The following COL6A5 variants were observed in gnomAD, a reference collection of about 807,000 sequenced individuals.
The protein encoded by COL6A5 is collagen alpha-5(VI) chain.
In COL6A5, 48 loss-of-function variants were observed where a neutral mutation model predicts 65.6. The ratio of observed to expected loss-of-function variants is 0.73; its 90% CI spans 0.58 to 0.93. The LOEUF is 0.93. COL6A5 is among the 40% of genes least tolerant of loss of function. The pLI, the probability that COL6A5 is intolerant of heterozygous loss-of-function variation, is 0.00. For missense variants in COL6A5, 914 were observed against 928.3 expected, an observed-to-expected ratio of 0.98 and a Z score of 0.20; for synonymous variants, 291 against 322.8, an observed-to-expected ratio of 0.90 and a Z score of 1.05.
intron 7 of COL6A5, among the ~76,000 whole-genome samples, chr3:130,392,448 A>G (rs1278762076): frequency 1.3e-5 from 2 of 152,202 alleles, no homozygotes; most frequent in South Asian, 2.1e-4. Flanking sequence ...TCTTAAAAGC[A>G]GTAGAGACTG....
At chr3:130,435,257 T>C (rs1052816289) in intron 1 of COL6A5, among the ~76,000 whole-genome samples, 1 of 152,148 alleles carries the variant, frequency 6.6e-6, no homozygotes, top group Non-Finnish European at 1.5e-5. Flanking sequence ...TCTAGATGTG[T>C]GGTGTCACTT....
At chr3:130,365,480 T>C (rs1935301736) in intron 1 of COL6A5, among the ~76,000 whole-genome samples, 1 of 152,106 alleles carries the variant, frequency 6.6e-6, no homozygotes. Context: ...GGTTTCACCG[T>C]TTTAGCCGGG....
intron 6 of COL6A5, among the ~76,000 whole-genome samples, chr3:130,390,316 A>G (rs139521322): frequency 1.9e-3 from 292 of 152,306 alleles, no homozygotes; most frequent in African/African-American, 6.8e-3. Context: ...TCAGTGGGTC[A>G]TTGACCAAGG....
At chr3:130,420,843 A>T (rs187078561) in intron 25 of COL6A5, among the ~76,000 whole-genome samples, 8 of 152,124 alleles carry the variant, frequency 5.3e-5, no homozygotes, top group African/African-American at 1.9e-4. Flanking sequence ...AGAGTTTCTC[A>T]CCTGTGTTGT....
intron 5 of COL6A5, 138 bp downstream of exon 5, chr3:130,385,502 G>A (rs780529138): frequency 3.8e-5 from 34 of 901,036 alleles, no homozygotes; most frequent in Non-Finnish European, 5.3e-5. Context: ...ACCATGGAGG[G>A]ATTCAGCCCC....
At chr3:130,384,825 C>T in exon 5 of COL6A5, 1 of 1,547,576 alleles carries the variant, frequency 6.5e-7, no homozygotes, top group Non-Finnish European at 8.7e-7. Flanking sequence ...ACAAAAGAGG[C>T]TGATATCCAC....
At chr3:130,359,784 C>G (rs73214704) in intron 1 of COL6A5, among the ~76,000 whole-genome samples, 3,695 of 152,076 alleles carry the variant, frequency 0.024, 73 homozygotes, top group Non-Finnish European at 0.036. Context: ...GTATATTTTT[C>G]CTAGAGACGG....
chr3:130,367,861 G>A (rs552661418), intron 1 of COL6A5, among the ~76,000 whole-genome samples: 85 of 152,296 alleles, frequency 5.6e-4, no homozygotes, highest in African/African-American at 2.0e-3. Flanking sequence ...TTTTAGGTAA[G>A]GACTAGGTCT....
chr3:130,429,603 C>A (rs1449687773), upstream of COL6A5: 3 of 1,542,280 alleles, frequency 1.9e-6, no homozygotes, highest in Non-Finnish European at 1.7e-6. Context: ...TCTTACCATG[C>A]TGTTCCCTGC....
intron 1 of COL6A5, among the ~76,000 whole-genome samples, chr3:130,350,031 C>T (rs999498271): frequency 6.6e-6 from 1 of 152,212 alleles, no homozygotes; most frequent in Non-Finnish European, 1.5e-5. Context: ...AAGACACCTA[C>T]TTTCCTGCTG....
At chr3:130,389,645 G>T (rs1376205315) in intron 6 of COL6A5, among the ~76,000 whole-genome samples, 1 of 151,310 alleles carries the variant, frequency 6.6e-6, no homozygotes, top group African/African-American at 2.4e-5. Flanking sequence ...CTATCAACTG[G>T]ATATTTTATA....
exon 7 of COL6A5, chr3:130,391,715 A>T: frequency 6.4e-7 from 1 of 1,551,478 alleles, no homozygotes; most frequent in Non-Finnish European, 8.7e-7. Flanking sequence ...AGATGTTTTC[A>T]CACTTGTTCA....
At chr3:130,436,702 CT>C (rs1440743174) in intron 1 of COL6A5, among the ~76,000 whole-genome samples, 1 of 152,034 alleles carries the variant, frequency 6.6e-6, no homozygotes, top group African/African-American at 2.4e-5. Flanking sequence ...TTTTGGCTGA[CT>C]TTTAGTATAC....
intron 1 of COL6A5, among the ~76,000 whole-genome samples, chr3:130,355,698 A>G (rs897650031): frequency 6.6e-6 from 1 of 152,040 alleles, no homozygotes; most frequent in Non-Finnish European, 1.5e-5. Flanking sequence ...TGGAAACGTG[A>G]TAAGGCAAAA....
chr3:130,427,488 A>T (rs1447150376), upstream of COL6A5, among the ~76,000 whole-genome samples: 2 of 152,268 alleles, frequency 1.3e-5, no homozygotes, highest in South Asian at 4.1e-4. Flanking sequence ...GTCACCAAGG[A>T]TGAGTAAGCA....
intron 13 of COL6A5, 120 bp downstream of exon 13, chr3:130,403,782 G>A (rs1427197990): frequency 5.4e-5 from 32 of 594,488 alleles, no homozygotes; most frequent in Non-Finnish European, 8.1e-5. Context: ...ATACAAAAGG[G>A]GTAGATGGGG....
intron 2 of COL6A5, among the ~76,000 whole-genome samples, chr3:130,439,896 C>T (rs1207501326): frequency 6.6e-6 from 1 of 152,120 alleles, no homozygotes. Context: ...AAAAATATTT[C>T]CTAAATGAGC....
At chr3:130,457,038 C>T (rs1230568042) in intron 5 of COL6A5, among the ~76,000 whole-genome samples, 1 of 145,860 alleles carries the variant, frequency 6.9e-6, no homozygotes, top group East Asian at 2.0e-4. Context: ...GGCATTAAGA[C>T]ATTCAAATGT....
At chr3:130,390,811 T>C (rs989227507) in intron 6 of COL6A5, among the ~76,000 whole-genome samples, 1 of 152,198 alleles carries the variant, frequency 6.6e-6, no homozygotes, top group South Asian at 2.1e-4. Flanking sequence ...TCAGTATATC[T>C]CGCCATTACA....
Sources: allele counts gnomAD v4.1 joint callset (sites outside exome capture counted in the v4.1 genomes callset), GRCh38; gene constraint gnomAD v4.1.1; transcripts MANE v1.5; gene names NCBI Gene and HGNC (gene_info 2026-07-23, HGNC 2026-07-21).